The following ZDHHC6 variants were observed in gnomAD, a reference collection of about 807,000 sequenced individuals.
ZDHHC6 encodes zDHHC palmitoyltransferase 6, also known as palmitoyltransferase ZDHHC6.
A neutral mutation model predicts 57.8 loss-of-function variants in ZDHHC6; 32 were observed. That is an observed-to-expected ratio of 0.55 (90% CI 0.42 to 0.74). The LOEUF (loss-of-function observed/expected upper bound fraction) is 0.74, where lower values mean the gene tolerates loss of function less well. ZDHHC6 is among the 30% of genes least tolerant of loss of function. The pLI is 0.00. For missense variants in ZDHHC6, 433 were observed against 500.7 expected, an observed-to-expected ratio of 0.86 and a Z score of 1.29; for synonymous variants, 128 against 158.0, an observed-to-expected ratio of 0.81 and a Z score of 1.42.
At position 112,430,490 on chromosome 10, in the gene ZDHHC6, G is replaced by A. The variant is rs1008286063; in HGVS notation, c.*314C>T. 3.3e-5 allele frequency: 6 copies of A among 179,546 alleles called. No individual in the cohort carries two copies. The highest frequency in any genetic ancestry group is 5.8e-5 in the Non-Finnish European group (5 of 86,248). 11.1% of individuals were successfully genotyped at this position (179,546 alleles called of 1,614,324 possible). A position where few individuals can be genotyped will look rare whatever the true frequency, so the allele number is the denominator to read the frequency against. ...AGATGCTCCTGGCAAGGGGGGAACT[G>A]TATCTGCAGGTGAGGTCCAGAGTGT... On this transcript the variant is annotated 3_prime_UTR_variant, in exon 11 of 11. Coordinates refer to ENST00000369405, the MANE Select transcript of ZDHHC6 (RefSeq NM_022494.3).
intron 4 of ZDHHC6, 110 bp from the exon 5 acceptor site, chr10:112,440,805 T>A: frequency 1.1e-6 from 1 of 901,820 alleles, no homozygotes; most frequent in Non-Finnish European, 1.6e-6. Flanking sequence ...CGTGGCCCTG[T>A]GGCCAACGCA....
exon 12 of ZDHHC6, chr10:112,424,517 TA>T (rs1231452615): frequency 6.6e-6 from 1 of 152,230 alleles, no homozygotes; most frequent in African/African-American, 2.4e-5. Context: ...AACACTCTAA[TA>T]AGCCTAGGAT....
At position 112,446,864 on chromosome 10, in the gene ZDHHC6, G is replaced by T; in HGVS notation, c.-374C>A. 2.2e-5 allele frequency: 4 copies of T among 181,690 alleles called. No homozygotes were observed. The highest frequency in any genetic ancestry group is 3.5e-4 in the South Asian group (2 of 5,644). 11.3% of individuals were successfully genotyped at this position (181,690 alleles called of 1,614,324 possible). On this transcript the variant is annotated 5_prime_UTR_variant, in exon 1 of 11. Coordinates refer to ENST00000369405, the MANE Select transcript of ZDHHC6 (RefSeq NM_022494.3). ...CCTGGCAGCGAGAGGCTGGAGTGCG[G>T]GACCTGCTACAAGCCGAGCACCTCT...
chr10:112,439,669 A>AAAAAG (rs757796332), intron 5 of ZDHHC6, among the ~76,000 whole-genome samples: 2 of 108,562 alleles, frequency 1.8e-5, no homozygotes, highest in Non-Finnish European at 3.7e-5. Flanking sequence ...AAAAAAAAAA[A>AAAAAG]GAATGAAAAA....
intron 6 of ZDHHC6, among the ~76,000 whole-genome samples, chr10:112,434,715 T>C (rs1845360249): frequency 6.6e-6 from 1 of 152,236 alleles, no homozygotes; most frequent in Non-Finnish European, 1.5e-5. Flanking sequence ...TAAGCACTCA[T>C]AAAGGCTTAT....
At chr10:112,435,370 C>T (rs933233902) in intron 6 of ZDHHC6, among the ~76,000 whole-genome samples, 2 of 152,022 alleles carry the variant, frequency 1.3e-5, no homozygotes, top group South Asian at 2.1e-4. Context: ...ATAAAGTGCC[C>T]GTTCTGAAAT....
At chr10:112,444,815 T>C (rs6585155) in intron 2 of ZDHHC6, among the ~76,000 whole-genome samples, 5,771 of 152,252 alleles carry the variant, frequency 0.038, 372 homozygotes, top group African/African-American at 0.13. Context: ...TTCTAAGGGA[T>C]GTTAATGTAT....
At position 112,434,461 on chromosome 10, in the gene ZDHHC6, T is replaced by C. The variant is rs973536431; in HGVS notation, c.739A>G (p.Lys247Glu). 1 of 1,611,042 alleles carries C rather than the reference T, an allele frequency of 6.2e-7. No homozygotes were observed. Among genetic ancestry groups the C allele is most frequent in the Non-Finnish European group, 8.5e-7 (1 of 1,178,524 alleles). Residue 247 changes from lysine (K) to glutamate (E), a missense_variant, in exon 7 of 11, where the codon AAA becomes GAA. Coordinates refer to ENST00000369405, the MANE Select transcript of ZDHHC6 (RefSeq NM_022494.3). ...SIESWIEEKA[K>E]DRIQYYQLDE... The stretch of plus-strand genomic sequence containing the variant: ...AGTTGATAATACTGAATTCGATCTT[T>C]AGCCTGTGGGTAACAAAGATATAAG...
intron 1 of ZDHHC6, among the ~76,000 whole-genome samples, chr10:112,446,118 A>G (rs975153652): frequency 3.3e-5 from 5 of 152,196 alleles, no homozygotes; most frequent in Admixed American, 1.3e-4. Flanking sequence ...CCTCTTATGA[A>G]GTCTTGAATT....
intron 6 of ZDHHC6, among the ~76,000 whole-genome samples, chr10:112,437,740 A>G (rs1365050495): frequency 6.6e-6 from 1 of 152,222 alleles, no homozygotes; most frequent in Non-Finnish European, 1.5e-5. Context: ...CTGCCAGGCA[A>G]TTCTTTGGTA....
downstream of ZDHHC6, among the ~76,000 whole-genome samples, chr10:112,429,445 C>T (rs117639748): frequency 8.3e-3 from 1,264 of 152,314 alleles, 4 homozygotes; most frequent in Middle Eastern, 0.014. Context: ...TCTTGCTTCA[C>T]AATAACATGA....
At position 112,431,043 on chromosome 10, in the gene ZDHHC6, GCA is replaced by G. The variant is rs963770394; in HGVS notation, c.1139-138_1139-137del. ...TTCCCCACTTTGCTATCTATTATAA[GCA>G]CAGTTTGAAGGGGAAAAAAATAAGA... On this transcript the variant is annotated intron_variant, in intron 10 of 10. Transcript: ENST00000369405. The G allele has an allele frequency of 6.7e-5, 47 of 701,028 alleles. No individual in the cohort carries two copies. In the Admixed American group the frequency reaches 1.3e-3, roughly 19 times the overall value. The allele number at this position is 701,028 out of a possible 1,614,324, so 43.4% of individuals were successfully genotyped here. A position where few individuals can be genotyped will look rare whatever the true frequency, so the allele number is the denominator to read the frequency against.
intron 3 of ZDHHC6, 105 bp downstream of exon 3, chr10:112,443,410 G>C (rs1846326372): frequency 1.1e-6 from 1 of 899,866 alleles, no homozygotes; most frequent in East Asian, 2.9e-5. Context: ...TTATAATATG[G>C]TAACCTTGCA....
downstream of ZDHHC6, among the ~76,000 whole-genome samples, chr10:112,429,846 C>T (rs947251794): frequency 1.3e-5 from 2 of 152,092 alleles, no homozygotes; most frequent in African/African-American, 2.4e-5. Context: ...GGCGGCAGGG[C>T]GCTGGTGTCA....
chr10:112,425,595 TAAA>T (rs71489969), downstream of ZDHHC6: 1,078 of 535,624 alleles, frequency 2.0e-3, no homozygotes, highest in Non-Finnish European at 2.3e-3. Context: ...CTTATAAAAC[TAAA>T]AAAAAAAAAA....
At chr10:112,426,459 C>G, downstream of ZDHHC6, 2 of 964,424 alleles carry the variant, frequency 2.1e-6, no homozygotes, top group Non-Finnish European at 3.2e-6. Context: ...GGCTGCAGCC[C>G]AAACAGACTG....
At chr10:112,435,044 CTTCT>C (rs1175599300) in intron 6 of ZDHHC6, among the ~76,000 whole-genome samples, 5 of 152,092 alleles carry the variant, frequency 3.3e-5, no homozygotes, top group Admixed American at 1.3e-4. Context: ...TACAGGAGAT[CTTCT>C]TTCTTTTTTT....
At chr10:112,433,427 GT>G in intron 7 of ZDHHC6, 146 bp from the exon 8 acceptor site, 1 of 589,566 alleles carries the variant, frequency 1.7e-6, no homozygotes. Context: ...GCCACAGGTT[GT>G]TTTAGCATGG....
downstream of ZDHHC6, among the ~76,000 whole-genome samples, chr10:112,425,901 C>T (rs778570424): frequency 6.6e-6 from 1 of 152,054 alleles, no homozygotes; most frequent in African/African-American, 2.4e-5. Flanking sequence ...TATGCTTAAA[C>T]GTAGCTTTAA....
Sources: gnomAD v4.1 joint callset for allele counts (sites outside exome capture counted in the v4.1 genomes callset) on GRCh38, gnomAD v4.1.1 for gene constraint, MANE v1.5 for transcripts, NCBI Gene and HGNC (gene_info 2026-07-23, HGNC 2026-07-21) for gene names.